UNC80: variants seen among roughly 807,000 people sequenced by gnomAD.
UNC80 encodes the protein unc-80 subunit of NALCN channel complex, also known as protein unc-80 homolog.
In UNC80, 164 loss-of-function variants were observed where a neutral mutation model predicts 384.6. The observed-to-expected ratio is 0.43, with a 90% CI of 0.38 to 0.49. UNC80 has a LOEUF of 0.49. Ranked by LOEUF, UNC80 falls within the 20% of genes least tolerant of loss-of-function variation. The pLI is 0.00. For synonymous variants in UNC80, 1,486 were observed against 1,527.8 expected (o/e 0.97, Z 0.64); for missense variants, 3,330 against 4,143.0 (o/e 0.80, Z 5.39).
Position 209,777,400 on chromosome 2 carries a change from T to C in UNC80, c.441T>C (p.Ala147=). 6.2e-7 allele frequency: 1 copy of C among 1,614,174 alleles called. No homozygotes were observed. The highest frequency in any genetic ancestry group is 1.1e-5 in the South Asian group (1 of 91,080). ...CCAGCTGGGGTGGAAGCAGCAGTGC[T>C]TTCATCCACCAGGTTGAAAACCAGG... ...RGSSWGGSSS[A]FIHQVENQGS... is the part of the protein sequence containing the mutation. Residue 147 remains alanine, a synonymous_variant, in exon 4 of 65, where the codon GCT becomes GCC. Transcript: ENST00000673920.
chr2:209,984,186 AC>A (rs2093229311), intron 60 of UNC80, among the ~76,000 whole-genome samples: 1 of 152,186 alleles, frequency 6.6e-6, no homozygotes, highest in Non-Finnish European at 1.5e-5. Context: ...TCTCTCACCA[AC>A]CTGACAGGTT....
chr2:209,982,098 A>C, intron 59 of UNC80, 81 bp from the exon 60 acceptor site: 1 of 1,424,824 alleles, frequency 7.0e-7, no homozygotes, highest in Non-Finnish European at 9.5e-7. Context: ...AGCCAAGGAC[A>C]GAACCCAAGT....
At chr2:209,835,679 G>A (rs1459197398) in intron 18 of UNC80, among the ~76,000 whole-genome samples, 1 of 152,192 alleles carries the variant, frequency 6.6e-6, no homozygotes, top group African/African-American at 2.4e-5. Flanking sequence ...CAAGTGGAGT[G>A]TAAACATGTA....
At chr2:209,990,146 G>A (rs1321368994) in intron 61 of UNC80, among the ~76,000 whole-genome samples, 7 of 152,088 alleles carry the variant, frequency 4.6e-5, no homozygotes, top group Non-Finnish European at 7.4e-5. Context: ...TAATCATCAT[G>A]AAATTACCAT....
At chr2:209,916,346 G>A (rs1246090929) in intron 31 of UNC80, among the ~76,000 whole-genome samples, 1 of 152,126 alleles carries the variant, frequency 6.6e-6, no homozygotes, top group African/African-American at 2.4e-5. Context: ...TGGAAGCAAA[G>A]GAAAATAATT....
chr2:209,856,316 G>T (rs1347740720), intron 22 of UNC80, among the ~76,000 whole-genome samples: 1 of 151,916 alleles, frequency 6.6e-6, no homozygotes, highest in African/African-American at 2.4e-5. Context: ...TTTTATTGCT[G>T]ATATTTAAAA....
chr2:209,839,406 C>T lies in UNC80; in HGVS notation c.3226C>T (p.Arg1076Ter), dbSNP rs1230845897. 3.2e-6 allele frequency: 5 copies of T among 1,551,850 alleles called. No homozygotes were observed. The highest frequency in any genetic ancestry group is 2.4e-5 in the East Asian group (1 of 40,918). Reference protein sequence around the residue: ...ARSRSRRISLRKKLKLPIGNW... With the variant: ...ARSRSRRISL Reference sequence around the variant, plus strand: ...CTCACGATCCCGCAGAATTTCCCTCCGAAAGAAGCTTAAACTCCCCATAGG... The same window carrying T: ...CTCACGATCCCGCAGAATTTCCCTCTGAAAGAAGCTTAAACTCCCCATAGG... Residue 1076 changes from arginine to a stop codon, truncating the protein, a stop_gained, in exon 19 of 65, where the codon CGA (arginine) becomes TGA (stop). Transcript: ENST00000673920. LOFTEE classifies it high-confidence loss of function. The surrounding 1 kb of genome is among the most constrained non-coding windows in gnomAD (Gnocchi z 4.1).
At chr2:209,886,215 T>C (rs1418519366) in intron 25 of UNC80, among the ~76,000 whole-genome samples, 2 of 151,672 alleles carry the variant, frequency 1.3e-5, no homozygotes, top group African/African-American at 4.8e-5. Context: ...AAAAATACAG[T>C]ATAAAAATAA....
chr2:209,895,767 G>T (rs1437652180), intron 27 of UNC80, among the ~76,000 whole-genome samples: 2 of 152,212 alleles, frequency 1.3e-5, no homozygotes, highest in East Asian at 3.8e-4. Flanking sequence ...ACAGAGAGGA[G>T]TTTGGACACA....
chr2:209,995,275 C>T, intron 64 of UNC80, 54 bp from the exon 65 acceptor site: 3 of 1,528,008 alleles, frequency 2.0e-6, no homozygotes, highest in Admixed American at 2.1e-5. Flanking sequence ...TTTTGATGTT[C>T]TTCTCTGGTA....
chr2:209,971,519 ACC>A (rs1368982071), intron 54 of UNC80, among the ~76,000 whole-genome samples: 1 of 151,390 alleles, frequency 6.6e-6, no homozygotes, highest in East Asian at 1.9e-4. Flanking sequence ...TCTGTGTGTC[ACC>A]CAGTTTTAGA....
chr2:209,984,920 G>A lies in UNC80; in HGVS notation c.9314+8G>A. ...CGAGGGCAGCCTCTCTAGGTACAGT[G>A]TCAATGCTACCTGTCTATTGGTGTC... On this transcript the variant is annotated splice_region_variant and intron_variant, in intron 61 of 64. Transcript: ENST00000673920. 6.5e-7 allele frequency: 1 copy of A among 1,549,990 alleles called. No individual in the cohort carries two copies. The highest frequency in any genetic ancestry group is 8.7e-7 in the Non-Finnish European group (1 of 1,146,316).
At position 209,939,602 on chromosome 2, in the gene UNC80, TCC is replaced by T. The variant is rs753583278; in HGVS notation, c.6598_6599del (p.Pro2200SerfsTer2). On this transcript the variant is annotated frameshift_variant, in exon 43 of 65. Coordinates refer to ENST00000673920, the MANE Select transcript of UNC80 (RefSeq NM_001371986.1). LOFTEE classifies it high-confidence loss of function. ...GAAGACCTCCTCCGCCTGCCCTCAT[TCC>T]CTCGTAGTGCTATTGATGCTGAGTT... The T allele has an allele frequency of 6.4e-7, 1 of 1,551,788 alleles. No homozygotes were observed.
intron 22 of UNC80, among the ~76,000 whole-genome samples, chr2:209,857,102 T>C (rs965470073): frequency 6.6e-5 from 10 of 152,170 alleles, no homozygotes; most frequent in Admixed American, 5.2e-4. Flanking sequence ...GGTTTTGTTT[T>C]ATTCCATTTT....
chr2:209,938,620 G>A (rs2091404415), intron 42 of UNC80, among the ~76,000 whole-genome samples: 1 of 151,574 alleles, frequency 6.6e-6, no homozygotes, highest in African/African-American at 2.4e-5. Flanking sequence ...CCCAGCCCAT[G>A]ATTTTGGGGT....
intron 26 of UNC80, among the ~76,000 whole-genome samples, chr2:209,891,277 A>C (rs1457713381): frequency 6.6e-6 from 1 of 152,166 alleles, no homozygotes; most frequent in Non-Finnish European, 1.5e-5. Context: ...AAAAGAGGCC[A>C]TGTTGCAGGA....
chr2:209,922,454 G>T (rs2124954248), intron 35 of UNC80, 71 bp downstream of exon 35: 1 of 1,450,676 alleles, frequency 6.9e-7, no homozygotes, highest in South Asian at 1.4e-5. Flanking sequence ...TTAATATCAT[G>T]ATCTCACTTG....
rs143506285 is a variant in UNC80, at chr2:209,915,560, G to A, written c.5029+1620G>A. ...TAGAAAGGTGAGTGGGACTCAGCTT[G>A]TAACCGACTTTGAATGACAGGCTTA... On this transcript the variant is annotated intron_variant, in intron 31 of 64. Coordinates refer to ENST00000673920, the MANE Select transcript of UNC80 (RefSeq NM_001371986.1). Among the ~76,000 whole-genome samples the A allele has an allele frequency of 3.7e-3, 559 of 152,260 alleles. 5 individuals are homozygous for A. The highest frequency in any genetic ancestry group is 0.013 in the African/African-American group (537 of 41,536).
At chr2:209,898,075 T>C (rs1574934525) in intron 28 of UNC80, among the ~76,000 whole-genome samples, 1 of 152,142 alleles carries the variant, frequency 6.6e-6, no homozygotes, top group East Asian at 1.9e-4. Flanking sequence ...GATTTACATT[T>C]ATTGTTTTTG....
Sources: allele counts gnomAD v4.1 joint callset (sites outside exome capture counted in the v4.1 genomes callset), GRCh38; gene constraint gnomAD v4.1.1; non-coding constraint Gnocchi (gnomAD v3.1); transcripts MANE v1.5; gene names NCBI Gene and HGNC (gene_info 2026-07-23, HGNC 2026-07-21).